The following BACH2 variants were observed in gnomAD, a reference collection of about 807,000 sequenced individuals.
BACH2 encodes transcription regulator protein BACH2.
A neutral mutation model predicts 61.8 loss-of-function variants in BACH2; 5 were observed. The observed-to-expected ratio is 0.08, with a 90% confidence interval of 0.04 to 0.17. BACH2 has a LOEUF of 0.17. Among genes scored for constraint, BACH2 ranks in the 10% least tolerant of loss-of-function variants. BACH2 has a pLI of 1.00. For missense variants in BACH2, 824 were observed against 1,091.1 expected (o/e 0.76, Z 3.45); for synonymous variants, 446 against 440.1 (o/e 1.01, Z -0.17).
At chr6:89,999,784 T>C (rs1269896591) in intron 6 of BACH2, among the ~76,000 whole-genome samples, 1 of 152,240 alleles carries the variant, frequency 6.6e-6, no homozygotes, top group East Asian at 1.9e-4. Flanking sequence ...GATACGCCGG[T>C]AACTATTTTA....
At chr6:90,178,379 A>C (rs1468601911) in intron 4 of BACH2, among the ~76,000 whole-genome samples, 1 of 152,034 alleles carries the variant, frequency 6.6e-6, no homozygotes, top group Non-Finnish European at 1.5e-5. Flanking sequence ...AGCTGTTCCC[A>C]CTAGAAACAA....
intron 6 of BACH2, among the ~76,000 whole-genome samples, chr6:89,996,858 G>A (rs1331538373): frequency 6.6e-6 from 1 of 152,112 alleles, no homozygotes; most frequent in Non-Finnish European, 1.5e-5. Flanking sequence ...TGGGTTCTTT[G>A]AAGGAGGTAA....
intron 1 of BACH2, among the ~76,000 whole-genome samples, chr6:90,273,646 C>G (rs771537789): frequency 6.6e-6 from 1 of 152,110 alleles, no homozygotes; most frequent in Non-Finnish European, 1.5e-5. Flanking sequence ...TGTCAAGGCT[C>G]GGGTCTGATT....
At chr6:89,937,360 G>A (rs979583251) in intron 8 of BACH2, among the ~76,000 whole-genome samples, 2 of 152,174 alleles carry the variant, frequency 1.3e-5, no homozygotes, top group Non-Finnish European at 2.9e-5. Flanking sequence ...TTGCATTCAA[G>A]TTCTACCAAG....
chr6:90,017,753 A>G (rs956078043), intron 5 of BACH2, among the ~76,000 whole-genome samples: 1 of 152,146 alleles, frequency 6.6e-6, no homozygotes, highest in South Asian at 2.1e-4. Flanking sequence ...AACTACTGCA[A>G]TGTCCTTGTC....
intron 2 of BACH2, among the ~76,000 whole-genome samples, chr6:90,269,121 T>C (rs1771438478): frequency 2.0e-5 from 3 of 152,166 alleles, no homozygotes; most frequent in Non-Finnish European, 1.5e-5. Context: ...TCCTTCTGAA[T>C]GAAGATGCTA....
intron 4 of BACH2, among the ~76,000 whole-genome samples, chr6:90,206,035 C>T (rs1769133533): frequency 1.3e-5 from 2 of 152,114 alleles, no homozygotes; most frequent in Non-Finnish European, 2.9e-5. Context: ...TAACAGTGTC[C>T]CCAACATTAA....
intron 6 of BACH2, among the ~76,000 whole-genome samples, chr6:89,959,429 C>G (rs1454180645): frequency 6.6e-6 from 1 of 152,130 alleles, no homozygotes; most frequent in African/African-American, 2.4e-5. Flanking sequence ...GAGGACAGAC[C>G]CTACCATAAC....
intron 5 of BACH2, among the ~76,000 whole-genome samples, chr6:90,055,333 C>A (rs1368235766): frequency 3.9e-5 from 6 of 152,158 alleles, no homozygotes. Flanking sequence ...AATGCAGAAG[C>A]CTCAGTAGCC....
chr6:90,073,895 AT>A (rs951269859), intron 5 of BACH2, among the ~76,000 whole-genome samples: 9 of 152,202 alleles, frequency 5.9e-5, no homozygotes, highest in East Asian at 1.9e-4. Context: ...GATTTAAAGG[AT>A]TTTTTTCTTT....
intron 6 of BACH2, among the ~76,000 whole-genome samples, chr6:89,999,093 A>C (rs1232329280): frequency 1.3e-5 from 2 of 152,206 alleles, no homozygotes; most frequent in African/African-American, 4.8e-5. Context: ...TTTTCTTGTA[A>C]CTCACTTAAA....
At chr6:90,234,674 C>T (rs1242686572) in intron 3 of BACH2, among the ~76,000 whole-genome samples, 2 of 152,148 alleles carry the variant, frequency 1.3e-5, no homozygotes, top group Non-Finnish European at 2.9e-5. Flanking sequence ...ATTTGGGAAA[C>T]AGCCAGGTTC....
chr6:90,134,811 TA>T (rs1333614273), intron 4 of BACH2, among the ~76,000 whole-genome samples: 1 of 152,332 alleles, frequency 6.6e-6, no homozygotes, highest in African/African-American at 2.4e-5. Flanking sequence ...TCAGGGCAGG[TA>T]GCCTCTGTGG....
At chr6:90,218,794 C>T (rs1769634327) in intron 3 of BACH2, among the ~76,000 whole-genome samples, 1 of 152,134 alleles carries the variant, frequency 6.6e-6, no homozygotes, top group Admixed American at 6.6e-5. Flanking sequence ...TTGCCCAAAG[C>T]TCCCCAAACA....
chr6:90,214,919 T>C (rs1769481194), intron 3 of BACH2, among the ~76,000 whole-genome samples: 1 of 151,984 alleles, frequency 6.6e-6, no homozygotes, highest in Non-Finnish European at 1.5e-5. Context: ...GCACCACCCA[T>C]GCCCAGATAA....
intron 4 of BACH2, among the ~76,000 whole-genome samples, chr6:90,142,869 G>A (rs1278848902): frequency 6.6e-6 from 1 of 152,182 alleles, no homozygotes; most frequent in Non-Finnish European, 1.5e-5. Flanking sequence ...AAAAAAGGAA[G>A]AGACATTATA....
intron 4 of BACH2, chr6:90,116,596 AC>A: frequency 9.6e-6 from 2 of 207,452 alleles, no homozygotes; most frequent in Non-Finnish European, 1.0e-5. Flanking sequence ...CTTCACATTT[AC>A]CCCCAAACCT....
chr6:90,131,698 T>A (rs1042350406), intron 4 of BACH2, among the ~76,000 whole-genome samples: 1 of 152,228 alleles, frequency 6.6e-6, no homozygotes, highest in African/African-American at 2.4e-5. Context: ...TATGTCATTG[T>A]AAACAAACAA....
intron 3 of BACH2, among the ~76,000 whole-genome samples, chr6:90,226,330 G>A (rs140716893): frequency 9.8e-4 from 149 of 152,290 alleles, no homozygotes; most frequent in African/African-American, 3.4e-3. Context: ...GCCTCAAGAG[G>A]AGACTCCCTG....
Sources: allele counts gnomAD v4.1 joint callset (sites outside exome capture counted in the v4.1 genomes callset), GRCh38; gene constraint gnomAD v4.1.1; transcripts MANE v1.5; gene names NCBI Gene and HGNC (gene_info 2026-07-23, HGNC 2026-07-21).